SLC39A5: variants seen among roughly 807,000 people sequenced by gnomAD.
SLC39A5 encodes zinc transporter ZIP5.
A neutral mutation model predicts 46.9 loss-of-function variants in SLC39A5; 42 were observed. The ratio of observed to expected loss-of-function variants is 0.90; its 90% CI spans 0.70 to 1.16. SLC39A5 has a LOEUF of 1.16. SLC39A5 is among the 50% of genes most tolerant of loss of function. The pLI is 0.00. For missense variants in SLC39A5, 677 were observed against 686.8 expected, an observed-to-expected ratio of 0.99 and a Z score of 0.16; for synonymous variants, 311 against 323.1, an observed-to-expected ratio of 0.96 and a Z score of 0.40.
intron 12 of SLC39A5, 121 bp from the exon 13 acceptor site, chr12:56,237,467 G>C (rs1870928744): frequency 1.3e-6 from 2 of 1,551,526 alleles, no homozygotes; most frequent in Non-Finnish European, 1.7e-6. Flanking sequence ...GCCCGCAAAA[G>C]TCTGAGAAAC....
At chr12:56,237,113 G>C in intron 11 of SLC39A5, 37 bp from the exon 12 acceptor site, 1 of 1,613,078 alleles carries the variant, frequency 6.2e-7, no homozygotes, top group Non-Finnish European at 8.5e-7. Context: ...GGGCACCCCA[G>C]CTTACTCCCT....
intron 4 of SLC39A5, 78 bp downstream of exon 4, chr12:56,231,639 G>C: frequency 6.9e-7 from 1 of 1,443,376 alleles, no homozygotes. Context: ...GCCTCGTTCT[G>C]GCTTCCTCAC....
rs1870828914 is a variant in SLC39A5, at chr12:56,236,833, GA to G, written c.1207+89del. The G allele has an allele frequency of 1.9e-6, 3 of 1,586,004 alleles. No homozygotes were observed. In the Admixed American group the frequency reaches 5.2e-5, roughly 28 times the overall value. ...GCTGGGGCTAGGAGAGGGCCGTCAGGAAGATGGGGAGAGGACGGGAGGACCA... is the reference window on the plus strand; with the variant it reads ...GCTGGGGCTAGGAGAGGGCCGTCAGGAGATGGGGAGAGGACGGGAGGACCA... On this transcript the variant is annotated intron_variant, in intron 10 of 12. Transcript: ENST00000454355.
rs144977611 is a variant in SLC39A5, at chr12:56,232,792, G to A, written c.391G>A (p.Gly131Arg). The A allele has an allele frequency of 1.1e-4, 184 of 1,612,350 alleles. No homozygotes were observed. Among genetic ancestry groups the A allele is most frequent in the Admixed American group, 1.8e-4 (11 of 59,540 alleles). ...EESKAPHLPR[G>R]PAPSGLDLLH... Reference sequence around the variant, plus strand: ...GTCAAAGGCCCCTCACCTACCCCGTGGGCCAGCCCCCTCGGGCCTGGACCT... The same window carrying A: ...GTCAAAGGCCCCTCACCTACCCCGTAGGCCAGCCCCCTCGGGCCTGGACCT... The change falls in exon 5 of 13, where the codon GGG (glycine) becomes AGG (arginine). Residue 131 changes from glycine to arginine, a missense_variant. Coordinates refer to ENST00000454355, the MANE Select transcript of SLC39A5 (RefSeq NM_173596.3).
Position 56,236,986 on chromosome 12 carries a change from C to T in SLC39A5, c.1263C>T (p.Phe421=), listed in dbSNP as rs761708318. The change falls in exon 11 of 13, where the codon TTC becomes TTT. Residue 421 remains phenylalanine (F), a synonymous_variant. Transcript: ENST00000454355. ...GCCTCAGTACCACCTTAGCGGTCTT[C>T]TGCCATGAGCTGCCCCACGAACTGG... is the stretch of plus-strand genomic sequence containing the variant. The part of the protein sequence containing the change: ...SSGLSTTLAV[F]CHELPHELGD... The T allele has an allele frequency of 6.8e-6, 11 of 1,614,024 alleles. No homozygotes were observed. In the African/African-American group the frequency reaches 1.3e-4, roughly 20 times the overall value.
At chr12:56,233,264 CAAAAAAAAAAAAAAAA>C (rs71081337) in intron 5 of SLC39A5, among the ~76,000 whole-genome samples, 23 of 31,026 alleles carry the variant, frequency 7.4e-4, no homozygotes, top group East Asian at 1.5e-3. Flanking sequence ...GACTCTGTCT[CAAAAAAAAAAAAAAAA>C]AAAAAAAAAA....
Position 56,237,626 on chromosome 12 carries a change from G to A in SLC39A5, c.1518G>A (p.Thr506=), listed in dbSNP as rs781780136. Reference sequence around the variant, plus strand: ...TTCGTCCTCCGGAGCCCCTGCCTACGCCCCATGTGCTCCTGCAGGGGCTGG... The same window carrying A: ...TTCGTCCTCCGGAGCCCCTGCCTACACCCCATGTGCTCCTGCAGGGGCTGG... The part of the protein sequence containing the change: ...ALLRPPEPLP[T]PHVLLQGLGL... The change falls in exon 13 of 13, where the codon ACG becomes ACA. Residue 506 remains threonine, a synonymous_variant. Transcript: ENST00000454355. 5.9e-5 allele frequency: 95 copies of A among 1,613,302 alleles called. No individual in the cohort carries two copies. Among genetic ancestry groups the A allele is most frequent in the Non-Finnish European group, 7.3e-5 (86 of 1,179,836 alleles).
At chr12:56,237,460 C>T (rs1289861955) in intron 12 of SLC39A5, 120 bp downstream of exon 12, 41 of 1,539,740 alleles carry the variant, frequency 2.7e-5, no homozygotes, top group East Asian at 4.5e-5. Flanking sequence ...ACCATAGGCC[C>T]GCAAAAGTCT....
chr12:56,235,914 G>C (rs370248181), intron 8 of SLC39A5: 10 of 569,582 alleles, frequency 1.8e-5, no homozygotes, highest in Non-Finnish European at 3.0e-5. Flanking sequence ...GTGGTGGTGC[G>C]TGTCTGTAAT....
In SLC39A5 at chr12:56,232,197, G is replaced by A. The variant is rs1217899093; in HGVS notation, c.288-492G>A. On this transcript the variant is annotated intron_variant, in intron 4 of 12. Transcript: ENST00000454355. Reference sequence around the variant, plus strand: ...TTTTTTTTTTTTGAGACAGAGTCTCGCTCTGTCGCCCAGGCTGGAGTGCAG... The same window carrying A: ...TTTTTTTTTTTTGAGACAGAGTCTCACTCTGTCGCCCAGGCTGGAGTGCAG... Among the ~76,000 whole-genome samples, 26 of 124,346 alleles carry A rather than the reference G, an allele frequency of 2.1e-4. 1 individual carries two copies. In the Admixed American group the frequency reaches 2.5e-3, roughly 12 times the overall value. The allele number at this position is 124,346 out of a possible 152,430, so 81.6% of individuals were successfully genotyped here. A position where few individuals can be genotyped will look rare whatever the true frequency, so the allele number is the denominator to read the frequency against.
At chr12:56,237,369 T>C (rs777732265) in intron 12 of SLC39A5, 29 bp downstream of exon 12, 50 of 1,560,022 alleles carry the variant, frequency 3.2e-5, no homozygotes, top group Non-Finnish European at 4.3e-5. Flanking sequence ...AGCAGAGAAA[T>C]CAAGGGCAGT....
intron 4 of SLC39A5, 123 bp downstream of exon 4, chr12:56,231,684 G>A: frequency 3.8e-6 from 4 of 1,047,142 alleles, no homozygotes; most frequent in Non-Finnish European, 5.4e-6. Context: ...TCAGAACCGA[G>A]CTCCTTGGTA....
Position 56,232,509 on chromosome 12 carries a change from C to G in SLC39A5, c.288-180C>G, listed in dbSNP as rs968467430. 3.3e-5 allele frequency among the ~76,000 whole-genome samples: 5 copies of G among 152,034 alleles called. No individual in the cohort carries two copies. The South Asian group carries it at 6.2e-4, about 19-fold the overall frequency. ...TGTCGTCCTTTTTTTTCTGTCCCCC[C>G]CAGTGGCAGAAAATGGACAACTCAC... On this transcript the variant is annotated intron_variant, in intron 4 of 12. Transcript: ENST00000454355.
Position 56,232,922 on chromosome 12 carries a change from T to C in SLC39A5, c.471+50T>C, listed in dbSNP as rs767234004. The C allele has an allele frequency of 2.0e-6, 3 of 1,519,434 alleles. No individual in the cohort carries two copies. In the South Asian group the frequency reaches 3.7e-5, roughly 19 times the overall value. 94.1% of individuals were successfully genotyped at this position (1,519,434 alleles called of 1,614,324 possible). A position where few individuals can be genotyped will look rare whatever the true frequency, so the allele number is the denominator to read the frequency against. ...GAAGGAGCCATGGGATTAGATGGCC[T>C]GAAATGTTTAAATAATCAGTAGTTT... On this transcript the variant is annotated intron_variant, in intron 5 of 12. Coordinates refer to ENST00000454355, the MANE Select transcript of SLC39A5 (RefSeq NM_173596.3).
intron 4 of SLC39A5, among the ~76,000 whole-genome samples, chr12:56,232,036 T>C (rs1020891209): frequency 6.6e-6 from 1 of 152,070 alleles, no homozygotes; most frequent in South Asian, 2.1e-4. Context: ...TAGCCCTCCG[T>C]TGCCTTCTAA....
chr12:56,236,938 C>G lies in SLC39A5; in HGVS notation c.1215C>G (p.Ala405=), dbSNP rs544593155. 9 of 1,614,110 alleles carry G rather than the reference C, an allele frequency of 5.6e-6. No homozygotes were observed. In the South Asian group the frequency reaches 9.9e-5, roughly 18 times the overall value. The part of the protein sequence containing the change: ...NLTDGLAIGA[A]FSDGFSSGLS... ...CGACCCTGCTGGCCCCAGGTGCTGC[C>G]TTCTCTGATGGCTTCTCCAGCGGCC... Residue 405 remains alanine, a synonymous_variant, in exon 11 of 13, where the codon GCC becomes GCG. Coordinates refer to ENST00000454355, the MANE Select transcript of SLC39A5 (RefSeq NM_173596.3).
At chr12:56,231,603 G>A in intron 4 of SLC39A5, 42 bp downstream of exon 4, 1 of 1,499,582 alleles carries the variant, frequency 6.7e-7, no homozygotes, top group Admixed American at 2.3e-5. Context: ...ACATCTCCCA[G>A]GTCCTCTCAG....
Position 56,234,897 on chromosome 12 carries a change from C to T in SLC39A5, c.545C>T (p.Ala182Val), listed in dbSNP as rs141402989. ...PAAPLTPRQF[A>V]LLCPALLYQI... is the part of the protein sequence containing the mutation. The stretch of plus-strand genomic sequence containing the variant: ...GCTCCTCTGACCCCTCGTCAGTTTG[C>T]TCTGCTGTGCCCAGCCCTGCTTTAT... The change falls in exon 6 of 13, where the codon GCT (alanine) becomes GTT (valine). Residue 182 changes from alanine (A) to valine (V), a missense_variant. Ala to Val is a moderately conservative substitution (Grantham distance 64, BLOSUM62 0). Transcript: ENST00000454355. The T allele has an allele frequency of 4.3e-4, 702 of 1,613,948 alleles. 8 individuals carry two copies. In the East Asian group the frequency reaches 0.016, roughly 36 times the overall value.
Position 56,236,194 on chromosome 12 carries a change from T to C in SLC39A5, c.946-202T>C, listed in dbSNP as rs749897507. ...TCCTTAAGCACAGACCCAGGACTTC[T>C]GGCCAAATGGCATCCTATTCTGAGC... On this transcript the variant is annotated intron_variant, in intron 8 of 12. Coordinates refer to ENST00000454355, the MANE Select transcript of SLC39A5 (RefSeq NM_173596.3). 3.7e-4 allele frequency among the ~76,000 whole-genome samples: 57 copies of C among 152,192 alleles called. 1 individual carries two copies. Among genetic ancestry groups the C allele is most frequent in the Admixed American group, 9.2e-4 (14 of 15,276 alleles).
Sources: allele counts gnomAD v4.1 joint callset (sites outside exome capture counted in the v4.1 genomes callset), GRCh38; gene constraint gnomAD v4.1.1; transcripts MANE v1.5; gene names NCBI Gene and HGNC (gene_info 2026-07-23, HGNC 2026-07-21).